ROBO2: variants seen among roughly 807,000 people sequenced by gnomAD.
The protein encoded by ROBO2 is roundabout guidance receptor 2.
In ROBO2, 53 loss-of-function variants were observed where a neutral mutation model predicts 160.8. That is an observed-to-expected ratio of 0.33 (90% confidence interval 0.26 to 0.41). ROBO2 has a LOEUF of 0.41. ROBO2 is among the 10% of genes least tolerant of loss of function. ROBO2 has a pLI of 1.00. For synonymous variants in ROBO2, 664 were observed against 611.7 expected (o/e 1.09, Z -1.26); for missense variants, 1,577 against 1,722.4 (o/e 0.92, Z 1.49).
rs150585662 is a variant in ROBO2, at chr3:76,448,195, C to A, written c.109+510593C>A. ...GAGTCTTTCAAGGTGAGCCACTTTG[C>A]AGAAAATTCTCTTGTGCATGAATAT... On this transcript the variant is annotated intron_variant, in intron 2 of 26. Coordinates refer to the ROBO2 transcript ENST00000487694. Among the ~76,000 whole-genome samples the A allele has an allele frequency of 2.1e-3, 320 of 152,058 alleles. 1 individual carries two copies. The highest frequency in any genetic ancestry group is 7.0e-3 in the African/African-American group (289 of 41,518).
intron 2 of ROBO2, among the ~76,000 whole-genome samples, chr3:77,130,124 G>A (rs2075715862): frequency 6.6e-6 from 1 of 152,014 alleles, no homozygotes; most frequent in Non-Finnish European, 1.5e-5. Flanking sequence ...TGAGTTCTTC[G>A]GCAACTTTTC....
chr3:76,334,897 A>T (rs1478189741), intron 2 of ROBO2, among the ~76,000 whole-genome samples: 1 of 152,212 alleles, frequency 6.6e-6, no homozygotes, highest in Non-Finnish European at 1.5e-5. Context: ...AATATTTCTA[A>T]TTCTGAAAAT....
chr3:76,570,444 G>A (rs1344436385), intron 2 of ROBO2, among the ~76,000 whole-genome samples: 1 of 152,174 alleles, frequency 6.6e-6, no homozygotes, highest in African/African-American at 2.4e-5. Flanking sequence ...CGTACATCTA[G>A]AGCGCTTTAA....
intron 2 of ROBO2, among the ~76,000 whole-genome samples, chr3:77,160,379 C>T (rs780567364): frequency 4.6e-5 from 7 of 151,970 alleles, no homozygotes; most frequent in Non-Finnish European, 7.4e-5. Context: ...TTTTTTCTTA[C>T]ACATGGTGAT....
At chr3:77,196,801 C>T (rs2082349058) in intron 2 of ROBO2, among the ~76,000 whole-genome samples, 1 of 151,788 alleles carries the variant, frequency 6.6e-6, no homozygotes, top group Non-Finnish European at 1.5e-5. Flanking sequence ...TTATTTCCTG[C>T]TTACACCTGA....
intron 2 of ROBO2, among the ~76,000 whole-genome samples, chr3:76,627,956 G>A (rs1250655270): frequency 6.6e-6 from 1 of 152,116 alleles, no homozygotes; most frequent in Non-Finnish European, 1.5e-5. Flanking sequence ...CCCAAAAATG[G>A]CAGGAATGGT....
chr3:76,721,886 A>T (rs2093471924), intron 2 of ROBO2, among the ~76,000 whole-genome samples: 1 of 152,162 alleles, frequency 6.6e-6, no homozygotes, highest in Non-Finnish European at 1.5e-5. Context: ...TTTACAAGAA[A>T]CTTGCGTGTA....
intron 8 of ROBO2, among the ~76,000 whole-genome samples, chr3:77,553,327 T>C (rs2092990600): frequency 1.3e-5 from 2 of 151,924 alleles, no homozygotes; most frequent in African/African-American, 2.4e-5. Flanking sequence ...CACTGGTTTC[T>C]TTACCCCTGT....
chr3:77,347,343 T>C (rs1306757719), intron 2 of ROBO2, among the ~76,000 whole-genome samples: 1 of 152,020 alleles, frequency 6.6e-6, no homozygotes, highest in East Asian at 1.9e-4. Flanking sequence ...AATATTATAA[T>C]ATATATAAAT....
intron 2 of ROBO2, among the ~76,000 whole-genome samples, chr3:76,633,458 T>A (rs1166289255): frequency 1.3e-5 from 2 of 152,068 alleles, no homozygotes; most frequent in African/African-American, 4.8e-5. Context: ...AAAATGTCTA[T>A]TGGAAAGATC....
chr3:76,261,168 A>G (rs1032331958), intron 2 of ROBO2, among the ~76,000 whole-genome samples: 71 of 122,856 alleles, frequency 5.8e-4, no homozygotes, highest in African/African-American at 1.2e-3. Context: ...AAACTAAATT[A>G]TGTGTGTGTG....
At chr3:76,054,942 A>G (rs548521284) in intron 2 of ROBO2, among the ~76,000 whole-genome samples, 1 of 152,266 alleles carries the variant, frequency 6.6e-6, no homozygotes, top group East Asian at 1.9e-4. Flanking sequence ...TTGATTATCA[A>G]TTTGAAAGGG....
chr3:76,299,483 G>C (rs1389687371), intron 2 of ROBO2, among the ~76,000 whole-genome samples: 2 of 152,146 alleles, frequency 1.3e-5, no homozygotes, highest in Non-Finnish European at 2.9e-5. Context: ...AACAGGAAAA[G>C]ATACATTGGA....
chr3:76,032,554 G>T (rs2066960796), intron 2 of ROBO2, among the ~76,000 whole-genome samples: 2 of 152,106 alleles, frequency 1.3e-5, no homozygotes, highest in South Asian at 2.1e-4. Context: ...CTGGTATGTT[G>T]TGTCTTTGTT....
intron 2 of ROBO2, among the ~76,000 whole-genome samples, chr3:76,276,747 T>C (rs530944940): frequency 6.6e-6 from 1 of 152,112 alleles, no homozygotes; most frequent in African/African-American, 2.4e-5. Context: ...TTAATTAACA[T>C]TGAACAACAA....
intron 2 of ROBO2, among the ~76,000 whole-genome samples, chr3:76,012,069 A>G (rs1576472109): frequency 6.6e-6 from 1 of 152,230 alleles, no homozygotes; most frequent in African/African-American, 2.4e-5. Context: ...TTGCCAAACA[A>G]GAAATGTGAA....
chr3:76,082,796 C>T (rs2068877534), intron 2 of ROBO2, among the ~76,000 whole-genome samples: 1 of 151,988 alleles, frequency 6.6e-6, no homozygotes, highest in Admixed American at 6.6e-5. Context: ...GAGATGATTG[C>T]CATAGCCTCA....
intron 2 of ROBO2, among the ~76,000 whole-genome samples, chr3:77,155,827 C>T (rs2077962860): frequency 6.6e-6 from 1 of 151,986 alleles, no homozygotes; most frequent in Non-Finnish European, 1.5e-5. Flanking sequence ...TCCCCCTTTC[C>T]TCTTTAAAGT....
chr3:76,383,699 T>A (rs941342936), intron 2 of ROBO2, among the ~76,000 whole-genome samples: 1 of 151,818 alleles, frequency 6.6e-6, no homozygotes. Context: ...AACTTTATGG[T>A]GGTCACAGGT....
Sources: allele counts gnomAD v4.1 joint callset (sites outside exome capture counted in the v4.1 genomes callset), GRCh38; gene constraint gnomAD v4.1.1; transcripts MANE v1.5; gene names NCBI Gene and HGNC (gene_info 2026-07-23, HGNC 2026-07-21).